The following RAP1A variants were observed in gnomAD, a reference collection of about 807,000 sequenced individuals.
RAP1A encodes the protein ras-related protein Rap-1A.
RAP1A carries 6 observed loss-of-function variants against 26.4 expected under a neutral mutation model. The ratio of observed to expected loss-of-function variants is 0.23; its 90% CI spans 0.12 to 0.45. RAP1A has a LOEUF of 0.45. Ranked by LOEUF, RAP1A falls within the 20% of genes least tolerant of loss-of-function variation. The probability of loss-of-function intolerance (pLI) is 0.99; values close to 1 mark genes in which losing one functional copy is unlikely to be tolerated. For synonymous variants in RAP1A, 73 were observed against 79.4 expected, an observed-to-expected ratio of 0.92 and a Z score of 0.43; for missense variants, 121 against 217.2, an observed-to-expected ratio of 0.56 and a Z score of 2.78.
chr1:111,699,182 A>C (rs139834752), intron 4 of RAP1A, among the ~76,000 whole-genome samples: 1 of 152,050 alleles, frequency 6.6e-6, no homozygotes, highest in East Asian at 1.9e-4. Context: ...CACTCCTTAC[A>C]CTTTGAAGAT....
chr1:111,658,890 A>G (rs549373091), intron 1 of RAP1A, among the ~76,000 whole-genome samples: 31 of 152,222 alleles, frequency 2.0e-4, no homozygotes, highest in Admixed American at 3.3e-4. Flanking sequence ...TGCAGTATCC[A>G]TTTTTGCCTC....
At chr1:111,666,931 A>AATAGGGACATGGAGCAAG (rs1660813645) in intron 1 of RAP1A, among the ~76,000 whole-genome samples, 1 of 151,724 alleles carries the variant, frequency 6.6e-6, no homozygotes, top group East Asian at 1.9e-4. Context: ...ATAGAGAGTA[A>AATAGGGACATGGAGCAAG]ATAGGGATAT....
chr1:111,678,631 A>G (rs1450439703), intron 1 of RAP1A, among the ~76,000 whole-genome samples: 2 of 152,208 alleles, frequency 1.3e-5, no homozygotes, highest in East Asian at 1.9e-4. Context: ...TTGTAACACA[A>G]TGGTATTTGT....
intron 1 of RAP1A, among the ~76,000 whole-genome samples, chr1:111,610,297 A>G (rs1262676499): frequency 2.0e-5 from 3 of 152,204 alleles, no homozygotes; most frequent in African/African-American, 7.2e-5. Flanking sequence ...CCTAATCAGT[A>G]GAAACTCTGG....
At chr1:111,700,530 G>A (rs1263412512) in intron 4 of RAP1A, among the ~76,000 whole-genome samples, 1 of 152,144 alleles carries the variant, frequency 6.6e-6, no homozygotes, top group Non-Finnish European at 1.5e-5. Context: ...ACCTCCCACA[G>A]GCCTCACCTC....
intron 1 of RAP1A, among the ~76,000 whole-genome samples, chr1:111,571,047 T>G (rs866569464): frequency 2.0e-5 from 3 of 152,328 alleles, no homozygotes; most frequent in Non-Finnish European, 4.4e-5. Flanking sequence ...TGCCCCCACT[T>G]CAGGTGCCCA....
rs1656860569 is a variant in RAP1A at position 111,542,253 on chromosome 1, T to C, written c.-284T>C. 1.3e-5 allele frequency: 8 copies of C among 611,146 alleles called. No homozygotes were observed. In the Admixed American group the frequency reaches 1.5e-4, roughly 12 times the overall value. The allele number at this position is 611,146 out of a possible 1,614,324, so 37.9% of individuals were successfully genotyped here. A position where few individuals can be genotyped will look rare whatever the true frequency, so the allele number is the denominator to read the frequency against. ...TACTGACGGAAACACTGGCGGCACA[T>C]ATTGAGGCCGTATTTCAGGATCAGA... On this transcript the variant is annotated 5_prime_UTR_variant, in exon 1 of 8. Transcript: ENST00000356415.
intron 3 of RAP1A, among the ~76,000 whole-genome samples, chr1:111,697,172 G>A (rs1661859790): frequency 6.6e-6 from 1 of 151,718 alleles, no homozygotes; most frequent in South Asian, 2.1e-4. Context: ...TATGACTTTT[G>A]CCTTTTCTAA....
At chr1:111,648,172 A>T in intron 1 of RAP1A, 1 of 212,784 alleles carries the variant, frequency 4.7e-6, no homozygotes, top group Non-Finnish European at 8.5e-6. Flanking sequence ...CCAGGTTCAA[A>T]CAGTGTGTGT....
chr1:111,704,049 T>G (rs1023131564), intron 5 of RAP1A, among the ~76,000 whole-genome samples: 1 of 151,996 alleles, frequency 6.6e-6, no homozygotes, highest in Non-Finnish European at 1.5e-5. Context: ...GCAGTCCTCC[T>G]ACCTCAGCCT....
chr1:111,557,342 A>T (rs1471111471), intron 1 of RAP1A, among the ~76,000 whole-genome samples: 3 of 152,154 alleles, frequency 2.0e-5, no homozygotes, highest in African/African-American at 7.2e-5. Context: ...AGGTGAGGAG[A>T]TCAAGACCAT....
chr1:111,592,572 T>G (rs1338078), intron 1 of RAP1A, among the ~76,000 whole-genome samples: 87,220 of 152,100 alleles, frequency 0.57, 25,483 homozygotes, highest in Middle Eastern at 0.65. Flanking sequence ...GTTAACACAG[T>G]TTGGGTGTGG....
In RAP1A at chr1:111,692,789, G is replaced by A. The variant is rs1480025372; in HGVS notation, c.57+1372G>A. 3.3e-5 allele frequency among the ~76,000 whole-genome samples: 5 copies of A among 152,136 alleles called. No individual in the cohort carries two copies. In the East Asian group the frequency reaches 9.6e-4, roughly 29 times the overall value. On this transcript the variant is annotated intron_variant, in intron 2 of 7. Coordinates refer to ENST00000369709, the MANE Select transcript of RAP1A (RefSeq NM_002884.4). ...GTGTTTTATATTTAAAAAAATGTAG[G>A]CTGAGGGTAGATACCTGTAAAATCA... is the stretch of plus-strand genomic sequence containing the variant.
intron 1 of RAP1A, among the ~76,000 whole-genome samples, chr1:111,672,079 G>C (rs1027975358): frequency 6.6e-6 from 1 of 151,196 alleles, no homozygotes; most frequent in Admixed American, 6.6e-5. Flanking sequence ...CAGTTGTTGG[G>C]TGTGGTGTTC....
intron 1 of RAP1A, among the ~76,000 whole-genome samples, chr1:111,655,412 TAAATG>T (rs1660422195): frequency 6.6e-6 from 1 of 151,986 alleles, no homozygotes; most frequent in Non-Finnish European, 1.5e-5. Flanking sequence ...TTTTTAAAGA[TAAATG>T]AAAAAGAATA....
chr1:111,636,663 A>G (rs563224669), intron 1 of RAP1A, among the ~76,000 whole-genome samples: 8 of 151,932 alleles, frequency 5.3e-5, no homozygotes, highest in Non-Finnish European at 2.9e-5. Flanking sequence ...TTGTATTTTT[A>G]GTAGAGACAG....
chr1:111,652,117 G>T (rs543623044), intron 1 of RAP1A, among the ~76,000 whole-genome samples: 1 of 152,178 alleles, frequency 6.6e-6, no homozygotes, highest in South Asian at 2.1e-4. Context: ...GGAACTATAG[G>T]CTTGTGCCAC....
chr1:111,651,498 A>T (rs1176044784), intron 1 of RAP1A, among the ~76,000 whole-genome samples: 5 of 125,392 alleles, frequency 4.0e-5, no homozygotes, highest in African/African-American at 1.5e-4. Context: ...TTTTTTTTAG[A>T]CAGAGTCTCG....
intron 1 of RAP1A, among the ~76,000 whole-genome samples, chr1:111,613,272 C>T (rs577977): frequency 0.88 from 133,327 of 151,848 alleles, 58,871 homozygotes; most frequent in African/African-American, 0.96. Flanking sequence ...CTATCTCGGC[C>T]CACTGCAAGC....
Sources: gnomAD v4.1 joint callset for allele counts (sites outside exome capture counted in the v4.1 genomes callset) on GRCh38, gnomAD v4.1.1 for gene constraint, MANE v1.5 for transcripts, NCBI Gene and HGNC (gene_info 2026-07-23, HGNC 2026-07-21) for gene names.